The following RIC3 variants were observed in gnomAD, a reference collection of about 807,000 sequenced individuals.
The protein encoded by RIC3 is protein RIC-3.
In RIC3, 28 loss-of-function variants were observed where a neutral mutation model predicts 27.3. That is an observed-to-expected ratio of 1.02 (90% CI 0.76 to 1.41). The LOEUF is 1.41. RIC3 is among the 40% of genes most tolerant of loss of function. The pLI, the probability that RIC3 is intolerant of heterozygous loss-of-function variation, is 0.00. For synonymous variants in RIC3, 184 were observed against 160.4 expected (o/e 1.15, Z -1.11); for missense variants, 501 against 444.7 (o/e 1.13, Z -1.14).
chr11:8,101,127 T>C (rs1300285531), downstream of RIC3: 2 of 1,129,490 alleles, frequency 1.8e-6, no homozygotes, highest in African/African-American at 3.1e-5. Context: ...TAAGGTTAGA[T>C]GTATGGAACT....
At chr11:8,134,966 T>TC in intron 4 of RIC3, among the ~76,000 whole-genome samples, 1 of 152,362 alleles carries the variant, frequency 6.6e-6, no homozygotes, top group Admixed American at 6.5e-5. Context: ...GACGGTAGTT[T>TC]CTTTTGCTGT....
chr11:8,095,027 T>C, the RIC3 span, among the ~76,000 whole-genome samples: 2 of 152,212 alleles, frequency 1.3e-5, no homozygotes, highest in East Asian at 3.8e-4. Context: ...AATTGCAATC[T>C]TTCTCAAGGG....
chr11:8,168,818 C>A (rs1952003623), intron 1 of RIC3, 48 bp downstream of exon 1: 1 of 1,582,528 alleles, frequency 6.3e-7, no homozygotes, highest in Non-Finnish European at 8.6e-7. Flanking sequence ...CAGCGTTCTC[C>A]GTACTCTTCG....
At chr11:8,098,039 T>G in the RIC3 span, among the ~76,000 whole-genome samples, 1 of 152,144 alleles carries the variant, frequency 6.6e-6, no homozygotes, top group Non-Finnish European at 1.5e-5. Context: ...GACCCCAAGC[T>G]GTTCCCAGGA....
At chr11:8,150,031 G>A (rs1469747631) in intron 1 of RIC3, among the ~76,000 whole-genome samples, 4 of 152,096 alleles carry the variant, frequency 2.6e-5, no homozygotes, top group Non-Finnish European at 5.9e-5. Flanking sequence ...CGCTATTACT[G>A]CCATTTTGTG....
At chr11:8,093,995 C>T in the RIC3 span, 6 of 1,611,834 alleles carry the variant, frequency 3.7e-6, no homozygotes, top group East Asian at 1.3e-4. Context: ...GAGCTCTGGT[C>T]TCACCCACTG....
intron 1 of RIC3, among the ~76,000 whole-genome samples, chr11:8,144,045 C>G (rs1468968530): frequency 6.6e-6 from 1 of 152,184 alleles, no homozygotes; most frequent in African/African-American, 2.4e-5. Context: ...GGATTAAAGC[C>G]TTAAACCTTA....
downstream of RIC3, chr11:8,101,837 TGAG>T: frequency 8.9e-6 from 6 of 670,676 alleles, no homozygotes; most frequent in South Asian, 6.6e-5. Flanking sequence ...TGTGAAGGGA[TGAG>T]AATAATTCTT....
At chr11:8,092,984 T>C in the RIC3 span, among the ~76,000 whole-genome samples, 122 of 152,276 alleles carry the variant, frequency 8.0e-4, no homozygotes, top group South Asian at 2.1e-3. Flanking sequence ...TAAATATTTA[T>C]TGAGGTTTGT....
chr11:8,094,924 A>AGGCCTTGCT, the RIC3 span, among the ~76,000 whole-genome samples: 1 of 152,240 alleles, frequency 6.6e-6, no homozygotes, highest in African/African-American at 2.4e-5. Context: ...TGTGTGGGTC[A>AGGCCTTGCT]GGCCTTGCTT....
At chr11:8,161,552 C>T (rs1248801771) in intron 1 of RIC3, among the ~76,000 whole-genome samples, 4 of 152,204 alleles carry the variant, frequency 2.6e-5, no homozygotes, top group Non-Finnish European at 5.9e-5. Flanking sequence ...TTGGGAACTC[C>T]TCTCAACTCC....
At chr11:8,126,168 C>CAT (rs1946969282) in intron 5 of RIC3, among the ~76,000 whole-genome samples, 1 of 152,146 alleles carries the variant, frequency 6.6e-6, no homozygotes, top group Non-Finnish European at 1.5e-5. Context: ...CTGCTTGAGT[C>CAT]ATAAGAGTGC....
chr11:8,101,175 T>G (rs1448047975), downstream of RIC3, among the ~76,000 whole-genome samples: 1 of 152,132 alleles, frequency 6.6e-6, no homozygotes, highest in Admixed American at 6.5e-5. Flanking sequence ...GGAAGAACCT[T>G]CTTTGCAGCC....
At chr11:8,151,403 C>T (rs972695383) in intron 1 of RIC3, among the ~76,000 whole-genome samples, 129 of 150,914 alleles carry the variant, frequency 8.5e-4, no homozygotes, top group African/African-American at 2.2e-3. Context: ...CTGGCTAACA[C>T]GGTGAAACCC....
rs779100309 is a variant in RIC3 at position 8,110,994 on chromosome 11, C to A, written c.814G>T (p.Glu272Ter). The change falls in exon 6 of 6, where the codon GAA becomes TAA. Residue 272 changes from glutamate to a stop codon, truncating the protein, a stop_gained. Coordinates refer to ENST00000309737, the MANE Select transcript of RIC3 (RefSeq NM_001206671.4). LOFTEE classifies it low-confidence loss of function (END_TRUNC). ...AERMGMIEEE[E>*]SDHLGWESLP... ...CTTTCCCAACCCAAATGATCTGATT[C>A]TTCCTCTTCTATCATTCCCATTCTT... 6.2e-7 allele frequency: 1 copy of A among 1,614,102 alleles called. No individual in the cohort carries two copies. The highest frequency in any genetic ancestry group is 8.5e-7 in the Non-Finnish European group (1 of 1,180,050).
chr11:8,110,755 G>A lies in RIC3; in HGVS notation c.1053C>T (p.Thr351=), dbSNP rs17852022. The A allele has an allele frequency of 3.6e-4, 576 of 1,614,134 alleles. 2 individuals carry two copies. Among genetic ancestry groups the A allele is most frequent in the South Asian group, 1.9e-3 (170 of 91,076 alleles). The change falls in exon 6 of 6, where the codon ACC becomes ACT. Residue 351 remains threonine (T), a synonymous_variant. Transcript: ENST00000309737. The stretch of plus-strand genomic sequence containing the variant: ...GCATGCTGCCTGTATATGCTTTATC[G>A]GTGCTGATGCCCAACCCTTCATCTT... The part of the protein sequence containing the change: ...DFKDEGLGIS[T]DKAYTGSMLR...
downstream of RIC3, chr11:8,105,801 C>T (rs905484252): frequency 2.0e-5 from 3 of 152,176 alleles, no homozygotes; most frequent in African/African-American, 7.2e-5. Flanking sequence ...TCCTGTCCCT[C>T]CCTCCCCCTA....
chr11:8,156,213 G>A (rs1950639164), intron 1 of RIC3, among the ~76,000 whole-genome samples: 1 of 152,182 alleles, frequency 6.6e-6, no homozygotes, highest in African/African-American at 2.4e-5. Flanking sequence ...CCAGTTCTCT[G>A]ATCAAAAGCT....
At chr11:8,155,212 C>T (rs1229271182) in intron 1 of RIC3, among the ~76,000 whole-genome samples, 2 of 125,758 alleles carry the variant, frequency 1.6e-5, no homozygotes, top group Non-Finnish European at 3.1e-5. Flanking sequence ...ACAGGAGACC[C>T]CATCTTAAAA....
Sources: gnomAD v4.1 joint callset for allele counts (sites outside exome capture counted in the v4.1 genomes callset) on GRCh38, gnomAD v4.1.1 for gene constraint, MANE v1.5 for transcripts, NCBI Gene and HGNC (gene_info 2026-07-23, HGNC 2026-07-21) for gene names.